Variants in RANBP2 observed in about 807,000 individuals in gnomAD.
RANBP2 encodes the protein RAN binding protein 2.
RANBP2 carries 57 observed loss-of-function variants against 303.6 expected under a neutral mutation model. The ratio of observed to expected loss-of-function variants is 0.19; its 90% CI spans 0.15 to 0.23. The LOEUF (loss-of-function observed/expected upper bound fraction) is 0.23. Ranked by LOEUF, RANBP2 falls within the 10% of genes least tolerant of loss-of-function variation. The pLI, the probability that RANBP2 is intolerant of heterozygous loss-of-function variation, is 1.00. For synonymous variants in RANBP2, 1,167 were observed against 1,301.5 expected (o/e 0.90, Z 2.23); for missense variants, 3,138 against 3,780.8 (o/e 0.83, Z 4.46).
At chr2:109,417,921 C>A in the RANBP2 span, among the ~76,000 whole-genome samples, 2 of 152,274 alleles carry the variant, frequency 1.3e-5, no homozygotes, top group Admixed American at 1.3e-4. Flanking sequence ...AGCTAAGCTT[C>A]TTGCTCCTAA....
intron 1 of RANBP2, among the ~76,000 whole-genome samples, chr2:108,727,577 A>G (rs1197064072): frequency 6.7e-6 from 1 of 149,126 alleles, no homozygotes; most frequent in African/African-American, 2.5e-5. Flanking sequence ...TATCACATGG[A>G]TGGAACATAC....
At chr2:109,304,120 TCTACTCTG>T in the RANBP2 span, among the ~76,000 whole-genome samples, 5 of 151,112 alleles carry the variant, frequency 3.3e-5, no homozygotes, top group Non-Finnish European at 5.9e-5. Flanking sequence ...AAAAGAAAGA[TCTACTCTG>T]CTAGCAGTTT....
At chr2:109,606,884 G>A in the RANBP2 span, among the ~76,000 whole-genome samples, 15 of 151,850 alleles carry the variant, frequency 9.9e-5, no homozygotes, top group African/African-American at 3.4e-4. Context: ...ACTCCTGACC[G>A]GAGGTGACCC....
At chr2:109,590,073 C>T in the RANBP2 span, among the ~76,000 whole-genome samples, 3,515 of 146,554 alleles carry the variant, frequency 0.024, 45 homozygotes, top group South Asian at 0.077. Context: ...TATACACACA[C>T]ATATATATGT....
the RANBP2 span, among the ~76,000 whole-genome samples, chr2:109,700,934 G>A: frequency 2.0e-5 from 3 of 152,242 alleles, no homozygotes; most frequent in East Asian, 3.9e-4. Context: ...TTAGGGAAAG[G>A]CAAGGGCAAA....
At chr2:109,354,325 C>T in the RANBP2 span, among the ~76,000 whole-genome samples, 1 of 152,182 alleles carries the variant, frequency 6.6e-6, no homozygotes, top group African/African-American at 2.4e-5. Flanking sequence ...CCGGCAGGGT[C>T]AGGGGCCTTC....
the RANBP2 span, among the ~76,000 whole-genome samples, chr2:108,795,150 ATTTTTTTTT>A: frequency 3.1e-4 from 26 of 85,040 alleles, no homozygotes; most frequent in South Asian, 4.4e-4. Flanking sequence ...TCTAAAGTGT[ATTTTTTTTT>A]TTTTTTTTTT....
At chr2:109,287,653 C>A in the RANBP2 span, among the ~76,000 whole-genome samples, 1 of 152,180 alleles carries the variant, frequency 6.6e-6, no homozygotes, top group African/African-American at 2.4e-5. Context: ...ACTGTGAGAT[C>A]AGGGTGTTCC....
At chr2:109,489,648 G>C in the RANBP2 span, among the ~76,000 whole-genome samples, 1 of 151,682 alleles carries the variant, frequency 6.6e-6, no homozygotes, top group South Asian at 2.1e-4. Flanking sequence ...GGCATCACTG[G>C]CCTGCCCTGG....
chr2:109,460,653 A>G, the RANBP2 span, among the ~76,000 whole-genome samples: 9 of 152,290 alleles, frequency 5.9e-5, no homozygotes, highest in South Asian at 6.2e-4. Flanking sequence ...ATGGCACACA[A>G]ATTTCACCAC....
the RANBP2 span, chr2:108,856,661 A>ATTGTGAT: frequency 6.6e-6 from 5 of 761,310 alleles, no homozygotes; most frequent in Middle Eastern, 3.7e-4. Context: ...CTAAATTTAG[A>ATTGTGAT]CTGTGATCTC....
the RANBP2 span, chr2:108,812,720 G>C: frequency 1.2e-5 from 20 of 1,606,746 alleles, no homozygotes; most frequent in Non-Finnish European, 1.7e-5. Flanking sequence ...TAAGTTGCCT[G>C]TTCTTCTCTA....
chr2:109,170,531 A>T, the RANBP2 span, among the ~76,000 whole-genome samples: 1 of 151,926 alleles, frequency 6.6e-6, no homozygotes, highest in East Asian at 1.9e-4. Flanking sequence ...TTTTTAGTAG[A>T]GATGGGGTTT....
chr2:109,507,894 T>C, the RANBP2 span, among the ~76,000 whole-genome samples: 1 of 152,174 alleles, frequency 6.6e-6, no homozygotes, highest in African/African-American at 2.4e-5. Flanking sequence ...ATGTGGGATA[T>C]CTTGCAATGT....
the RANBP2 span, among the ~76,000 whole-genome samples, chr2:109,238,483 G>C: frequency 6.6e-6 from 1 of 151,324 alleles, no homozygotes; most frequent in Non-Finnish European, 1.5e-5. Context: ...GTGTGTGTGT[G>C]TGTGTGTGTG....
chr2:109,292,525 G>A, the RANBP2 span, among the ~76,000 whole-genome samples: 2 of 152,134 alleles, frequency 1.3e-5, no homozygotes, highest in Admixed American at 6.5e-5. Flanking sequence ...CCTATCCGAC[G>A]TTTAGCTTGT....
At chr2:109,092,823 A>G in the RANBP2 span, among the ~76,000 whole-genome samples, 7 of 152,326 alleles carry the variant, frequency 4.6e-5, no homozygotes, top group South Asian at 1.5e-3. Context: ...GGCTGTAGCA[A>G]ATCTGCTGTA....
chr2:108,818,256 G>A, the RANBP2 span, among the ~76,000 whole-genome samples: 18 of 152,112 alleles, frequency 1.2e-4, no homozygotes, highest in South Asian at 6.2e-4. Context: ...GCAGTGAGCC[G>A]TGATTGTACC....
the RANBP2 span, among the ~76,000 whole-genome samples, chr2:109,448,417 G>A: frequency 6.6e-6 from 1 of 152,162 alleles, no homozygotes; most frequent in African/African-American, 2.4e-5. Flanking sequence ...TGGTGGGTGA[G>A]CAAGGAAAAC....
Sources: allele counts gnomAD v4.1 joint callset (sites outside exome capture counted in the v4.1 genomes callset), GRCh38; gene constraint gnomAD v4.1.1; transcripts MANE v1.5; gene names NCBI Gene and HGNC (gene_info 2026-07-23, HGNC 2026-07-21).